NAA40: variants seen among roughly 807,000 people sequenced by gnomAD.
The protein encoded by NAA40 is N-alpha-acetyltransferase 40.
In NAA40, 26 loss-of-function variants were observed where a neutral mutation model predicts 36.6. That is an observed-to-expected ratio of 0.71 (90% CI 0.52 to 0.98). The LOEUF (loss-of-function observed/expected upper bound fraction) is 0.98. NAA40 is among the 50% of genes least tolerant of loss of function. The probability of loss-of-function intolerance (pLI) is 0.00; values close to 1 mark genes in which losing one functional copy is unlikely to be tolerated. For synonymous variants in NAA40, 129 were observed against 108.4 expected (o/e 1.19, Z -1.18); for missense variants, 237 against 306.5 (o/e 0.77, Z 1.69).
At chr11:63,941,691 T>C (rs746082715) in intron 1 of NAA40, among the ~76,000 whole-genome samples, 39 of 152,154 alleles carry the variant, frequency 2.6e-4, no homozygotes, top group African/African-American at 8.0e-4. Flanking sequence ...TAGCTGGAAT[T>C]ACAGGTATTA....
Position 63,956,368 on chromosome 11 carries a change from A to G in NAA40, c.*1889A>G, listed in dbSNP as rs887592817. The G allele has an allele frequency of 3.3e-5, 5 of 152,378 alleles. No homozygotes were observed. The highest frequency in any genetic ancestry group is 1.2e-4 in the African/African-American group (5 of 41,446). The allele number at this position is 152,378 out of a possible 1,614,324, so 9.4% of individuals were successfully genotyped here. Reference sequence around the variant, plus strand: ...TGCTAAATATTTATTGTCTTAGATCATGGATTCCTGATACCTCTCACTCAA... The same window carrying G: ...TGCTAAATATTTATTGTCTTAGATCGTGGATTCCTGATACCTCTCACTCAA... On this transcript the variant is annotated 3_prime_UTR_variant, in exon 8 of 8. Coordinates refer to ENST00000377793, the MANE Select transcript of NAA40 (RefSeq NM_024771.4).
At position 63,954,348 on chromosome 11, in the gene NAA40, G is replaced by T; in HGVS notation, c.583G>T (p.Asp195Tyr). The T allele has an allele frequency of 6.3e-7, 1 of 1,591,598 alleles. No individual in the cohort carries two copies. Among genetic ancestry groups the T allele is most frequent in the Non-Finnish European group, 8.5e-7 (1 of 1,169,970 alleles). The change falls in exon 8 of 8, where the codon GAT becomes TAT. Residue 195 changes from aspartate (D) to tyrosine (Y), a missense_variant. Asp to Tyr is a radical substitution (Grantham distance 160). Transcript: ENST00000377793. ...FFREALQFEI[D>Y]DSSPSMSGCC... ...CTGCCTGCCTTGCAGATTTGAAATT[G>T]ATGACTCTTCCCCCAGCATGTCCGG...
chr11:63,947,084 C>T, intron 3 of NAA40, 81 bp downstream of exon 3: 2 of 1,393,622 alleles, frequency 1.4e-6, no homozygotes, highest in Non-Finnish European at 2.0e-6. Flanking sequence ...CTTCCTCAGA[C>T]ACAAATTTTC....
chr11:63,942,926 G>A (rs1942130548), intron 1 of NAA40, among the ~76,000 whole-genome samples: 2 of 152,224 alleles, frequency 1.3e-5, no homozygotes, highest in Admixed American at 1.3e-4. Flanking sequence ...CCTGCTGCTT[G>A]TTCTTGGGAA....
rs771750598 is a variant in NAA40 at position 63,946,992 on chromosome 11, T to C, written c.144T>C (p.Tyr48=). The part of the protein sequence containing the change: ...PLEAFPVFKK[Y]DRNGLNVSIE... ...AGGCTTTCCCAGTGTTCAAGAAATA[T>C]GATAGAAACGGGTGAGTCACATTGA... Residue 48 remains tyrosine, a synonymous_variant, in exon 3 of 8, where the codon TAT becomes TAC. Transcript: ENST00000377793. 5.3e-5 allele frequency: 85 copies of C among 1,614,016 alleles called. No individual in the cohort carries two copies. Among genetic ancestry groups the C allele is most frequent in the Non-Finnish European group, 6.8e-5 (80 of 1,179,976 alleles).
At chr11:63,940,474 A>C (rs1019261233) in intron 1 of NAA40, among the ~76,000 whole-genome samples, 1 of 152,108 alleles carries the variant, frequency 6.6e-6, no homozygotes, top group Non-Finnish European at 1.5e-5. Flanking sequence ...GTTGGCCTTT[A>C]TGTGTTTGAA....
At chr11:63,946,851 G>C (rs765395229) in intron 2 of NAA40, 100 bp from the exon 3 acceptor site, 1 of 1,606,618 alleles carries the variant, frequency 6.2e-7, no homozygotes, top group Non-Finnish European at 8.5e-7. Context: ...TCCCGTTGTG[G>C]GTCCCCACAG....
At chr11:63,942,096 G>A (rs766012837) in intron 1 of NAA40, among the ~76,000 whole-genome samples, 1 of 152,198 alleles carries the variant, frequency 6.6e-6, no homozygotes, top group Non-Finnish European at 1.5e-5. Context: ...TGTGAACTGA[G>A]TATCTGCTGT....
chr11:63,952,792 A>G lies in NAA40; in HGVS notation c.447A>G (p.Lys149=), dbSNP rs201451855. ...AGTTGGAAAGCAAGGTGCGGCGGAA[A>G]GGCCTGGGGAAGTTCCTCATACAGA... ...EVQLESKVRR[K]GLGKFLIQIL... Residue 149 remains lysine (K), a synonymous_variant, in exon 6 of 8, where the codon AAA becomes AAG. Coordinates refer to ENST00000377793, the MANE Select transcript of NAA40 (RefSeq NM_024771.4). 6.2e-7 allele frequency: 1 copy of G among 1,614,124 alleles called. No individual in the cohort carries two copies. Among genetic ancestry groups the G allele is most frequent in the African/African-American group, 1.3e-5 (1 of 75,034 alleles).
At chr11:63,946,895 G>T in intron 2 of NAA40, 56 bp from the exon 3 acceptor site, 6 of 1,610,922 alleles carry the variant, frequency 3.7e-6, no homozygotes, top group Non-Finnish European at 4.2e-6. Flanking sequence ...CTTGGGATAG[G>T]ATCTGCACCT....
chr11:63,943,907 A>T (rs1942145579), intron 1 of NAA40, among the ~76,000 whole-genome samples: 1 of 152,222 alleles, frequency 6.6e-6, no homozygotes, highest in Non-Finnish European at 1.5e-5. Context: ...GAATGCTCTA[A>T]ACCTGTCCAT....
At chr11:63,939,137 G>C in intron 1 of NAA40, 35 bp downstream of exon 1, 1 of 1,583,956 alleles carries the variant, frequency 6.3e-7, no homozygotes, top group Non-Finnish European at 8.6e-7. Flanking sequence ...GGGAGGTCCA[G>C]GGGCGCTCCT....
Position 63,944,857 on chromosome 11 carries a change from C to G in NAA40, c.7-983C>G, listed in dbSNP as rs542232762. Among the ~76,000 whole-genome samples, 10 of 146,280 alleles carry G rather than the reference C, an allele frequency of 6.8e-5. No homozygotes were observed. The East Asian group carries it at 2.0e-3, about 30-fold the overall frequency. ...GGCAGAGGCTGCCGTGAACCGAGAT[C>G]TCACCACTGCATTCCAGCTTGGGTG... On this transcript the variant is annotated intron_variant, in intron 1 of 7. Coordinates refer to ENST00000377793, the MANE Select transcript of NAA40 (RefSeq NM_024771.4).
At chr11:63,939,916 C>T (rs892218616) in intron 1 of NAA40, among the ~76,000 whole-genome samples, 2 of 152,010 alleles carry the variant, frequency 1.3e-5, no homozygotes, top group Non-Finnish European at 2.9e-5. Flanking sequence ...TTTACTTTCC[C>T]GGGATATAGG....
At chr11:63,953,379 C>G (rs553851477) in intron 6 of NAA40, among the ~76,000 whole-genome samples, 1 of 152,250 alleles carries the variant, frequency 6.6e-6, no homozygotes, top group African/African-American at 2.4e-5. Context: ...TCTCTGCCAC[C>G]TTCTGTACCG....
intron 1 of NAA40, among the ~76,000 whole-genome samples, chr11:63,940,530 T>C (rs1942091789): frequency 6.6e-6 from 1 of 152,152 alleles, no homozygotes; most frequent in African/African-American, 2.4e-5. Flanking sequence ...CCCCTTAGGG[T>C]AGTAGTGAAG....
chr11:63,941,995 A>G (rs1038503029), intron 1 of NAA40, among the ~76,000 whole-genome samples: 4 of 152,222 alleles, frequency 2.6e-5, no homozygotes, highest in African/African-American at 9.6e-5. Context: ...ATAACAAAAA[A>G]TGCCATATAC....
intron 1 of NAA40, chr11:63,939,507 C>G (rs994849878): frequency 6.0e-6 from 6 of 1,008,352 alleles, no homozygotes; most frequent in Non-Finnish European, 5.9e-6. Flanking sequence ...GGAATTGAGG[C>G]CCAGAGGAAA....
At chr11:63,942,288 A>G (rs1942120997) in intron 1 of NAA40, among the ~76,000 whole-genome samples, 1 of 152,218 alleles carries the variant, frequency 6.6e-6, no homozygotes, top group Non-Finnish European at 1.5e-5. Context: ...CACACCTACC[A>G]TGCTGGGTTG....
Sources: gnomAD v4.1 joint callset for allele counts (sites outside exome capture counted in the v4.1 genomes callset) on GRCh38, gnomAD v4.1.1 for gene constraint, MANE v1.5 for transcripts, NCBI Gene and HGNC (gene_info 2026-07-23, HGNC 2026-07-21) for gene names.